CD44: variants seen among roughly 807,000 people sequenced by gnomAD.
CD44 encodes CD44 molecule (IN blood group).
CD44 carries 49 observed loss-of-function variants against 88.8 expected under a neutral mutation model. The observed-to-expected ratio is 0.55, with a 90% CI of 0.44 to 0.70. The LOEUF is 0.70. Ranked by LOEUF, CD44 falls within the 30% of genes least tolerant of loss-of-function variation. The probability of loss-of-function intolerance (pLI) is 0.00; values close to 1 mark genes in which losing one functional copy is unlikely to be tolerated. For synonymous variants in CD44, 325 were observed against 312.3 expected, an observed-to-expected ratio of 1.04 and a Z score of -0.43; for missense variants, 883 against 913.8, an observed-to-expected ratio of 0.97 and a Z score of 0.43.
At chr11:35,190,250 C>T (rs1045656656) in intron 5 of CD44, 185 bp downstream of exon 5, 9 of 603,194 alleles carry the variant, frequency 1.5e-5, no homozygotes, top group African/African-American at 1.5e-4. Context: ...CTACTACTGC[C>T]TACCTTTTTT....
Position 35,202,374 on chromosome 11 carries a change from A to G in CD44, c.1153+587A>G, listed in dbSNP as rs142317217. On this transcript the variant is annotated intron_variant, in intron 9 of 17. Coordinates refer to ENST00000428726, the MANE Select transcript of CD44 (RefSeq NM_000610.4). ...CTTTGATGCTCTTACTGTTATTTCTACTATTATGAAAACTCAGGTTTTCCA... is the reference window on the plus strand; with the variant it reads ...CTTTGATGCTCTTACTGTTATTTCTGCTATTATGAAAACTCAGGTTTTCCA... 8.4e-3 allele frequency among the ~76,000 whole-genome samples: 1,274 copies of G among 152,212 alleles called. 9 individuals carry two copies. Among genetic ancestry groups the G allele is most frequent in the Non-Finnish European group, 0.013 (881 of 68,002 alleles).
intron 17 of CD44, 100 bp downstream of exon 17, chr11:35,221,832 C>G: frequency 9.7e-7 from 1 of 1,031,534 alleles, no homozygotes; most frequent in Non-Finnish European, 1.5e-6. Context: ...GAACCAGCAG[C>G]CTGGGTACCC....
rs565089585 is a variant in CD44, at chr11:35,139,240, C to T, written c.-64C>T. ...ATCCTCGTCCCGTCCTCCGCCGGCC[C>T]CTGCCCCGCGCCCAGGGATCCTCCA... On this transcript the variant is annotated 5_prime_UTR_variant, in exon 1 of 18. Coordinates refer to ENST00000428726, the MANE Select transcript of CD44 (RefSeq NM_000610.4). 2.6e-5 allele frequency: 35 copies of T among 1,364,884 alleles called. No individual in the cohort carries two copies. In the Middle Eastern group the frequency reaches 5.6e-4, roughly 22 times the overall value. 84.5% of individuals were successfully genotyped at this position (1,364,884 alleles called of 1,614,324 possible). A position where few individuals can be genotyped will look rare whatever the true frequency, so the allele number is the denominator to read the frequency against.
At chr11:35,212,707 A>T (rs903470272) in intron 14 of CD44, 1 of 152,238 alleles carries the variant, frequency 6.6e-6, no homozygotes, top group Non-Finnish European at 1.5e-5. Context: ...TTCTTTATTC[A>T]GCATTGTTCT....
chr11:35,198,452 G>A, intron 7 of CD44: 1 of 523,742 alleles, frequency 1.9e-6, no homozygotes, highest in East Asian at 3.0e-5. Flanking sequence ...AATTTCTCTT[G>A]TCTCATGTTC....
In CD44 at chr11:35,180,339, A is replaced by G. The variant is rs1944869330; in HGVS notation, c.299A>G (p.Asn100Ser). 6.2e-7 allele frequency: 1 copy of G among 1,614,078 alleles called. No individual in the cohort carries two copies. The highest frequency in any genetic ancestry group is 8.5e-7 in the Non-Finnish European group (1 of 1,179,942). ...RIHPNSICAA[N>S]NTGVYILTSN... ...CACCCCAACTCCATCTGTGCAGCAA[A>G]CAACACAGGGGTGTACATCCTCACA... The change falls in exon 3 of 18, where the codon AAC (asparagine) becomes AGC (serine). Residue 100 changes from asparagine to serine, a missense_variant. By Grantham distance (46) the Asn-to-Ser change is conservative. Transcript: ENST00000428726.
intron 13 of CD44, among the ~76,000 whole-genome samples, chr11:35,210,978 C>T (rs572875432): frequency 1.3e-5 from 2 of 152,232 alleles, no homozygotes; most frequent in South Asian, 4.1e-4. Context: ...AGTGACATAG[C>T]CTTACCTAAT....
intron 12 of CD44, 84 bp from the exon 13 acceptor site, chr11:35,209,881 C>A: frequency 1.2e-6 from 1 of 844,898 alleles, no homozygotes; most frequent in Non-Finnish European, 1.9e-6. Context: ...TGACTCTACT[C>A]TAGCTAGATT....
intron 7 of CD44, among the ~76,000 whole-genome samples, chr11:35,199,769 C>T (rs936098596): frequency 2.2e-4 from 33 of 152,030 alleles, no homozygotes; most frequent in African/African-American, 7.7e-4. Context: ...TTACATTATA[C>T]TGTCTCCTGT....
intron 14 of CD44, chr11:35,213,795 ATGT>A (rs1221028582): frequency 4.6e-5 from 7 of 152,086 alleles, no homozygotes; most frequent in African/African-American, 1.7e-4. Flanking sequence ...ATTTCAGCAA[ATGT>A]TGTTTTCATT....
intron 8 of CD44, 51 bp downstream of exon 8, chr11:35,201,246 T>C (rs1947294259): frequency 7.9e-7 from 1 of 1,263,002 alleles, no homozygotes; most frequent in South Asian, 1.2e-5. Flanking sequence ...TCAAAGCCCA[T>C]GATGCTGCAA....
intron 5 of CD44, 147 bp from the exon 6 acceptor site, chr11:35,196,598 CT>C (rs1946778732): frequency 3.7e-6 from 3 of 811,940 alleles, no homozygotes; most frequent in African/African-American, 1.7e-5. Context: ...AAAAATGGAA[CT>C]TTTTTGCTTT....
chr11:35,208,141 C>A lies in CD44; in HGVS notation c.1451C>A (p.Thr484Asn). Residue 484 changes from threonine to asparagine, a missense_variant, in exon 12 of 18, where the codon ACT (threonine) becomes AAT (asparagine). Coordinates refer to ENST00000428726, the MANE Select transcript of CD44 (RefSeq NM_000610.4). ...AGTCATAGTATAACGCTTCAGCCTA[C>A]TGCAAATCCAAACACAGGTTTGGTG... ...DSSHSITLQP[T>N]ANPNTGLVED... 2 of 1,612,288 alleles carry A rather than the reference C, an allele frequency of 1.2e-6. No individual in the cohort carries two copies. Among genetic ancestry groups the A allele is most frequent in the Non-Finnish European group, 1.7e-6 (2 of 1,178,366 alleles).
At position 35,198,815 on chromosome 11, in the gene CD44, A is replaced by G. The variant is rs567403318; in HGVS notation, c.922+569A>G. Among the ~76,000 whole-genome samples, 18 of 151,996 alleles carry G rather than the reference A, an allele frequency of 1.2e-4. 1 individual carries two copies. The South Asian group carries it at 3.3e-3, about 28-fold the overall frequency. ...AACACAGTGAAACCCCATCTCTACT[A>G]AAAAATACAAAAAATTAACCAGGCG... On this transcript the variant is annotated intron_variant, in intron 7 of 17. Coordinates refer to ENST00000428726, the MANE Select transcript of CD44 (RefSeq NM_000610.4).
intron 15 of CD44, among the ~76,000 whole-genome samples, chr11:35,215,550 G>A (rs533413975): frequency 6.6e-6 from 1 of 152,098 alleles, no homozygotes; most frequent in African/African-American, 2.4e-5. Context: ...ACATGTATTA[G>A]GTTGGGCCAA....
intron 7 of CD44, among the ~76,000 whole-genome samples, chr11:35,200,829 T>C (rs1024736827): frequency 9.9e-5 from 15 of 152,196 alleles, no homozygotes; most frequent in African/African-American, 3.6e-4. Flanking sequence ...TTGACTGTTT[T>C]ATCTGGAAGA....
At chr11:35,163,805 C>T (rs1047918606) in intron 1 of CD44, among the ~76,000 whole-genome samples, 1 of 152,156 alleles carries the variant, frequency 6.6e-6, no homozygotes, top group African/African-American at 2.4e-5. Flanking sequence ...GATTCTGCTT[C>T]TTGTCTGTAC....
intron 1 of CD44, among the ~76,000 whole-genome samples, chr11:35,156,508 T>C (rs1941886267): frequency 6.6e-6 from 1 of 152,158 alleles, no homozygotes; most frequent in Admixed American, 6.5e-5. Flanking sequence ...TAAACCAAAA[T>C]GGTGTATGTT....
chr11:35,211,415 A>C lies in CD44; in HGVS notation c.1776A>C (p.Gly592=), dbSNP rs200703452. ...GSFGVTAVTV[G]DSNSNVNRSL... is the part of the protein sequence containing the mutation. ...TTGGAGTTACTGCAGTTACTGTTGG[A>C]GATTCCAACTCTAATGTCAATCGTT... is the stretch of plus-strand genomic sequence containing the variant. Residue 592 remains glycine, a synonymous_variant, in exon 14 of 18, where the codon GGA becomes GGC. Coordinates refer to ENST00000428726, the MANE Select transcript of CD44 (RefSeq NM_000610.4). The C allele has an allele frequency of 3.5e-5, 56 of 1,613,938 alleles. 2 individuals carry two copies. The South Asian group carries it at 5.2e-4, about 15-fold the overall frequency.
Sources: allele counts gnomAD v4.1 joint callset (sites outside exome capture counted in the v4.1 genomes callset), GRCh38; gene constraint gnomAD v4.1.1; transcripts MANE v1.5; gene names NCBI Gene and HGNC (gene_info 2026-07-23, HGNC 2026-07-21).